ITGA11: variants seen among roughly 807,000 people sequenced by gnomAD.
ITGA11 encodes the protein integrin alpha-11.
Under a neutral mutation model 141.9 loss-of-function variants are expected in ITGA11, and 97 were observed. The observed-to-expected ratio is 0.68, with a 90% CI of 0.58 to 0.81. The LOEUF (loss-of-function observed/expected upper bound fraction) is 0.81, where lower values mean the gene tolerates loss of function less well. Among genes scored for constraint, ITGA11 ranks in the 30% least tolerant of loss-of-function variants. The pLI is 0.00. For missense variants in ITGA11, 1,387 were observed against 1,559.2 expected (o/e 0.89, Z 1.86); for synonymous variants, 658 against 624.6 (o/e 1.05, Z -0.80).
In ITGA11 at chr15:68,303,942, G is replaced by C. The variant is rs952227579; in HGVS notation, c.3382-57C>G. ...TTACTCTTCTGGGGCTGGGGTGGCA[G>C]TCTGGGAGGGGCAGGAGGGTGGAGA... On this transcript the variant is annotated intron_variant, in intron 28 of 29. Coordinates refer to ENST00000315757, the MANE Select transcript of ITGA11 (RefSeq NM_001004439.2). The surrounding 1 kb of genome is among the most constrained non-coding windows in gnomAD (Gnocchi z 5.3). 8.8e-7 allele frequency: 1 copy of C among 1,137,942 alleles called. No individual in the cohort carries two copies. The highest frequency in any genetic ancestry group is 1.3e-6 in the Non-Finnish European group (1 of 756,546). 70.5% of individuals were successfully genotyped at this position (1,137,942 alleles called of 1,614,324 possible).
At chr15:68,309,907 G>C (rs1428142979) in intron 26 of ITGA11, among the ~76,000 whole-genome samples, 1 of 152,074 alleles carries the variant, frequency 6.6e-6, no homozygotes, top group Non-Finnish European at 1.5e-5. Context: ...ACGGCCTAAT[G>C]CAGTTTTGTT....
chr15:68,368,975 CT>C (rs1232932633), intron 3 of ITGA11, among the ~76,000 whole-genome samples: 11 of 151,810 alleles, frequency 7.2e-5, no homozygotes, highest in Non-Finnish European at 2.9e-5. Context: ...TGGTGAGCCC[CT>C]GGCAAGCTGT....
intron 1 of ITGA11, among the ~76,000 whole-genome samples, chr15:68,403,933 T>C (rs1208674913): frequency 1.3e-5 from 2 of 152,096 alleles, no homozygotes; most frequent in Non-Finnish European, 2.9e-5. Flanking sequence ...ACCCTGTACA[T>C]GGATAGGGGG....
chr15:68,334,777 A>C (rs1894291694), intron 12 of ITGA11, among the ~76,000 whole-genome samples: 1 of 152,180 alleles, frequency 6.6e-6, no homozygotes, highest in Non-Finnish European at 1.5e-5. Context: ...GGAACTGGGC[A>C]GGAAAAATGT....
chr15:68,351,455 G>A, intron 7 of ITGA11, 53 bp from the exon 8 acceptor site: 1 of 1,585,324 alleles, frequency 6.3e-7, no homozygotes, highest in South Asian at 1.1e-5. Context: ...GATTGGGGCA[G>A]CCCCTGACGC....
chr15:68,355,833 T>G (rs1895056153), intron 7 of ITGA11, among the ~76,000 whole-genome samples: 1 of 152,114 alleles, frequency 6.6e-6, no homozygotes, highest in Non-Finnish European at 1.5e-5. Flanking sequence ...ACCAGGTCTG[T>G]GGTCTCAACA....
chr15:68,379,257 T>C (rs543676840), intron 2 of ITGA11, among the ~76,000 whole-genome samples: 17 of 152,334 alleles, frequency 1.1e-4, no homozygotes, highest in African/African-American at 4.1e-4. Flanking sequence ...CTTCAGTGCC[T>C]CTTCCTCCAG....
At chr15:68,360,837 CT>C (rs1389948841) in intron 5 of ITGA11, among the ~76,000 whole-genome samples, 1 of 152,168 alleles carries the variant, frequency 6.6e-6, no homozygotes, top group Non-Finnish European at 1.5e-5. Context: ...ATGCTTCCTC[CT>C]CCTCCCTTCC....
Position 68,335,673 on chromosome 15 carries a change from G to A in ITGA11, c.1425+24C>T, listed in dbSNP as rs2306025. The A allele has an allele frequency of 1.7e-4, 277 of 1,611,492 alleles. 2 individuals carry two copies. Among genetic ancestry groups the A allele is most frequent in the Middle Eastern group, 1.7e-3 (10 of 6,050 alleles). ...ATCTGCCCCCTCTTCCCTCCATCCC[G>A]GCCCCAGGCTCCCCCTCCATTACCT... On this transcript the variant is annotated intron_variant, in intron 12 of 29. Coordinates refer to ENST00000315757, the MANE Select transcript of ITGA11 (RefSeq NM_001004439.2). The surrounding 1 kb of genome is among the most constrained non-coding windows in gnomAD (Gnocchi z 4.9).
chr15:68,426,332 G>A (rs1008162990), intron 1 of ITGA11, among the ~76,000 whole-genome samples: 4 of 152,336 alleles, frequency 2.6e-5, no homozygotes, highest in South Asian at 2.1e-4. Flanking sequence ...GAGCAGGCGG[G>A]GCAGACAGGA....
chr15:68,429,299 C>T (rs574076668), intron 1 of ITGA11, among the ~76,000 whole-genome samples: 7 of 152,310 alleles, frequency 4.6e-5, no homozygotes, highest in African/African-American at 1.4e-4. Flanking sequence ...ACTCCAGGGC[C>T]TCCACCCTTA....
At chr15:68,370,058 C>A (rs995370715) in intron 2 of ITGA11, among the ~76,000 whole-genome samples, 1 of 152,104 alleles carries the variant, frequency 6.6e-6, no homozygotes, top group Non-Finnish European at 1.5e-5. Flanking sequence ...GCGCCCGGGA[C>A]CACCAGAAGC....
intron 5 of ITGA11, 139 bp downstream of exon 5, chr15:68,361,451 C>A (rs1051129121): frequency 9.6e-6 from 6 of 621,932 alleles, no homozygotes; most frequent in African/African-American, 5.5e-5. Context: ...TGATACATTC[C>A]AGGTCATCCG....
intron 16 of ITGA11, among the ~76,000 whole-genome samples, chr15:68,327,741 CT>C (rs967694748): frequency 1.2e-4 from 13 of 112,780 alleles, no homozygotes; most frequent in African/African-American, 1.8e-4. Context: ...AGCACCCCCC[CT>C]GTAGGACTCC....
chr15:68,375,192 T>C (rs1340492348), intron 2 of ITGA11, among the ~76,000 whole-genome samples: 2 of 152,170 alleles, frequency 1.3e-5, no homozygotes, highest in Non-Finnish European at 1.5e-5. Flanking sequence ...TGTTCCTTTC[T>C]CTCAACACAG....
intron 2 of ITGA11, among the ~76,000 whole-genome samples, chr15:68,379,124 G>C (rs1235229247): frequency 6.6e-6 from 1 of 152,156 alleles, no homozygotes; most frequent in Non-Finnish European, 1.5e-5. Flanking sequence ...TCACACCCCA[G>C]TGCCAGTCAC....
intron 2 of ITGA11, among the ~76,000 whole-genome samples, chr15:68,374,503 A>C (rs1895678559): frequency 6.6e-6 from 1 of 152,100 alleles, no homozygotes; most frequent in South Asian, 2.1e-4. Context: ...GGACTAGTAC[A>C]CGGTGTCCTG....
At chr15:68,310,006 G>C (rs1307608301) in intron 26 of ITGA11, among the ~76,000 whole-genome samples, 1 of 152,168 alleles carries the variant, frequency 6.6e-6, no homozygotes, top group Non-Finnish European at 1.5e-5. Context: ...GCCAAATCAG[G>C]ACTGGAAGGT....
At chr15:68,387,290 C>T (rs1255169929) in intron 2 of ITGA11, among the ~76,000 whole-genome samples, 1 of 152,074 alleles carries the variant, frequency 6.6e-6, no homozygotes, top group Non-Finnish European at 1.5e-5. Context: ...CCTGGCCCCA[C>T]AGATGGAGGC....
Sources: gnomAD v4.1 joint callset for allele counts (sites outside exome capture counted in the v4.1 genomes callset) on GRCh38, gnomAD v4.1.1 for gene constraint, Gnocchi (gnomAD v3.1) non-coding constraint, MANE v1.5 for transcripts, NCBI Gene and HGNC (gene_info 2026-07-23, HGNC 2026-07-21) for gene names.